HS3ST4: variants seen among roughly 807,000 people sequenced by gnomAD.
The protein encoded by HS3ST4 is heparan sulfate glucosamine 3-O-sulfotransferase 4.
Under a neutral mutation model 29.2 loss-of-function variants are expected in HS3ST4, and 17 were observed. The ratio of observed to expected loss-of-function variants is 0.58; its 90% CI spans 0.40 to 0.87. The LOEUF is 0.87. Among genes scored for constraint, HS3ST4 ranks in the 40% least tolerant of loss-of-function variants. The probability of loss-of-function intolerance (pLI) is 0.00; values close to 1 mark genes in which losing one functional copy is unlikely to be tolerated. For synonymous variants in HS3ST4, 314 were observed against 285.7 expected (o/e 1.10, Z -1.00); for missense variants, 627 against 634.5 (o/e 0.99, Z 0.13).
intron 1 of HS3ST4, among the ~76,000 whole-genome samples, chr16:25,717,538 T>TGC (rs1966463679): frequency 6.6e-6 from 1 of 150,884 alleles, no homozygotes; most frequent in Admixed American, 6.6e-5. Flanking sequence ...TGTGTGTGTG[T>TGC]GTGTGTGTGT....
At chr16:25,893,177 A>G (rs1968026920) in intron 1 of HS3ST4, among the ~76,000 whole-genome samples, 1 of 152,160 alleles carries the variant, frequency 6.6e-6, no homozygotes, top group South Asian at 2.1e-4. Flanking sequence ...TGAATAAATA[A>G]AAGGAGACTA....
chr16:25,916,406 A>G (rs1489222436), intron 1 of HS3ST4, among the ~76,000 whole-genome samples: 1 of 151,884 alleles, frequency 6.6e-6, no homozygotes, highest in Non-Finnish European at 1.5e-5. Flanking sequence ...CTTGTTTCCC[A>G]GGCTGGAGTA....
chr16:26,058,600 C>T (rs1400571998), intron 1 of HS3ST4, among the ~76,000 whole-genome samples: 1 of 152,156 alleles, frequency 6.6e-6, no homozygotes. Flanking sequence ...TCCATCATGT[C>T]TTGGCCAGTG....
intron 1 of HS3ST4, among the ~76,000 whole-genome samples, chr16:26,004,953 TA>T (rs1969244474): frequency 6.6e-6 from 1 of 152,244 alleles, no homozygotes; most frequent in African/African-American, 2.4e-5. Flanking sequence ...AACCCATTTT[TA>T]TTACATTGCC....
At chr16:25,786,799 A>AT (rs759071029) in intron 1 of HS3ST4, among the ~76,000 whole-genome samples, 18 of 152,354 alleles carry the variant, frequency 1.2e-4, no homozygotes, top group South Asian at 8.3e-4. Flanking sequence ...TGATTATACT[A>AT]TTTAAAAAAA....
intron 1 of HS3ST4, among the ~76,000 whole-genome samples, chr16:26,062,538 G>A: frequency 6.6e-6 from 1 of 151,850 alleles, no homozygotes; most frequent in South Asian, 2.1e-4. Context: ...TTGGCCCGAT[G>A]CCTGCATCCT....
intron 1 of HS3ST4, among the ~76,000 whole-genome samples, chr16:25,888,031 C>T (rs1199460579): frequency 6.6e-6 from 1 of 152,124 alleles, no homozygotes; most frequent in African/African-American, 2.4e-5. Context: ...ATCCAGTTTC[C>T]CATCAATCAT....
intron 1 of HS3ST4, among the ~76,000 whole-genome samples, chr16:25,907,133 T>G (rs1013577203): frequency 6.6e-6 from 1 of 152,102 alleles, no homozygotes; most frequent in African/African-American, 2.4e-5. Context: ...GAGTTTGTGG[T>G]TACAGTGAGC....
intron 1 of HS3ST4, among the ~76,000 whole-genome samples, chr16:25,720,779 A>G (rs1261529409): frequency 2.6e-5 from 4 of 152,190 alleles, no homozygotes; most frequent in Non-Finnish European, 4.4e-5. Context: ...GACAGCTGGA[A>G]GAATGGAGTT....
chr16:25,873,359 CACCTAGCAAGCCATCCAGT>C (rs1967779909), intron 1 of HS3ST4, among the ~76,000 whole-genome samples: 1 of 141,254 alleles, frequency 7.1e-6, no homozygotes, highest in Non-Finnish European at 1.6e-5. Context: ...TCCATCCATC[CACCTAGCAAGCCATCCAGT>C]CATCCATCCA....
At chr16:25,706,334 CT>C (rs1284273828) in intron 1 of HS3ST4, among the ~76,000 whole-genome samples, 4 of 152,118 alleles carry the variant, frequency 2.6e-5, no homozygotes, top group Non-Finnish European at 5.9e-5. Flanking sequence ...GGTGTATTAA[CT>C]TTCCACCTTC....
chr16:25,704,520 C>T (rs1266068257), intron 1 of HS3ST4, among the ~76,000 whole-genome samples: 1 of 152,064 alleles, frequency 6.6e-6, no homozygotes, highest in African/African-American at 2.4e-5. Flanking sequence ...AGTACAGTGG[C>T]ATGATCATAG....
At chr16:25,847,199 T>C (rs572539360) in intron 1 of HS3ST4, among the ~76,000 whole-genome samples, 2 of 152,326 alleles carry the variant, frequency 1.3e-5, no homozygotes, top group South Asian at 4.1e-4. Context: ...AAATGTACTT[T>C]AGTAAGTGTG....
chr16:26,134,144 C>T (rs1348701551), intron 1 of HS3ST4, among the ~76,000 whole-genome samples: 2 of 151,922 alleles, frequency 1.3e-5, no homozygotes, highest in African/African-American at 4.8e-5. Context: ...GAGGCAAACT[C>T]GGATGGAGGA....
intron 1 of HS3ST4, among the ~76,000 whole-genome samples, chr16:25,718,423 T>A (rs1966472217): frequency 6.6e-6 from 1 of 152,014 alleles, no homozygotes; most frequent in Non-Finnish European, 1.5e-5. Context: ...GTGTCGGAGC[T>A]GCTTTCTGGT....
At chr16:25,957,707 C>G (rs1057060015) in intron 1 of HS3ST4, among the ~76,000 whole-genome samples, 2 of 152,188 alleles carry the variant, frequency 1.3e-5, no homozygotes, top group Non-Finnish European at 2.9e-5. Context: ...GTGTAAGCCA[C>G]CGCACCCAGC....
At chr16:25,711,588 T>A (rs565727911) in intron 1 of HS3ST4, among the ~76,000 whole-genome samples, 1 of 151,918 alleles carries the variant, frequency 6.6e-6, no homozygotes, top group Non-Finnish European at 1.5e-5. Flanking sequence ...TGGTGAAGAT[T>A]TTTTTTTAGC....
chr16:25,791,301 TA>T (rs1966868683), intron 1 of HS3ST4, among the ~76,000 whole-genome samples: 1 of 152,192 alleles, frequency 6.6e-6, no homozygotes, highest in South Asian at 2.1e-4. Context: ...AGCTTTAGAA[TA>T]ACTGGATATC....
chr16:26,081,024 A>G (rs1898717320), intron 1 of HS3ST4, among the ~76,000 whole-genome samples: 2 of 152,130 alleles, frequency 1.3e-5, no homozygotes, highest in South Asian at 2.1e-4. Context: ...AGTGGCTTAC[A>G]CCTAAAATCT....
Sources: gnomAD v4.1 joint callset for allele counts (sites outside exome capture counted in the v4.1 genomes callset) on GRCh38, gnomAD v4.1.1 for gene constraint, MANE v1.5 for transcripts, NCBI Gene and HGNC (gene_info 2026-07-23, HGNC 2026-07-21) for gene names.